The following DHRS2 variants were observed in gnomAD, a reference collection of about 807,000 sequenced individuals.
The protein encoded by DHRS2 is dehydrogenase/reductase 2, also known as dehydrogenase/reductase SDR family member 2, mitochondrial.
Under a neutral mutation model 26.3 loss-of-function variants are expected in DHRS2, and 29 were observed. The ratio of observed to expected loss-of-function variants is 1.10; its 90% CI spans 0.82 to 1.50. DHRS2 has a LOEUF of 1.50. Ranked by LOEUF, DHRS2 falls within the 40% of genes most tolerant of loss-of-function variation. DHRS2 has a pLI of 0.00. For missense variants in DHRS2, 439 were observed against 367.1 expected (o/e 1.20, Z -1.60); for synonymous variants, 164 against 151.3 (o/e 1.08, Z -0.62).
At chr14:23,632,040 C>A (rs1483458504), upstream of DHRS2, among the ~76,000 whole-genome samples, 1 of 152,208 alleles carries the variant, frequency 6.6e-6, no homozygotes, top group Non-Finnish European at 1.5e-5. Flanking sequence ...TTGGTAAGAA[C>A]TGTTAGAGGC....
Position 23,641,789 on chromosome 14 carries a change from C to T in DHRS2, c.421-1363C>T. On this transcript the variant is annotated intron_variant, in intron 4 of 8. Transcript: ENST00000250383. ...GCAACATTCAGCTTAAGTATTTCTC[C>T]TTCCCACATCCAAGGGATTGAGTGG... is the stretch of plus-strand genomic sequence containing the variant. 2.3e-6 allele frequency: 3 copies of T among 1,285,934 alleles called. No individual in the cohort carries two copies. In the Middle Eastern group the frequency reaches 7.3e-4, roughly 315 times the overall value. 79.7% of individuals were successfully genotyped at this position (1,285,934 alleles called of 1,614,324 possible). A position where few individuals can be genotyped will look rare whatever the true frequency, so the allele number is the denominator to read the frequency against.
At chr14:23,642,220 T>C (rs1890698627) in intron 4 of DHRS2, 4 of 959,594 alleles carry the variant, frequency 4.2e-6, no homozygotes, top group Non-Finnish European at 5.0e-6. Context: ...CTGGTGTGTG[T>C]AGGCCCTTAC....
chr14:23,630,964 G>C (rs1890102613), intron 1 of DHRS2, among the ~76,000 whole-genome samples: 1 of 152,144 alleles, frequency 6.6e-6, no homozygotes, highest in Non-Finnish European at 1.5e-5. Context: ...GAAGCCTCCA[G>C]GTAGTAGGCA....
In DHRS2 at chr14:23,644,504, C is replaced by T; in HGVS notation, c.636C>T (p.Cys212=). 12 of 1,614,214 alleles carry T rather than the reference C, an allele frequency of 7.4e-6. No homozygotes were observed. The highest frequency in any genetic ancestry group is 2.2e-5 in the East Asian group (1 of 44,888). Residue 212 remains cysteine, a synonymous_variant, in exon 7 of 9, where the codon TGC becomes TGT. Transcript: ENST00000250383. The stretch of plus-strand genomic sequence containing the variant: ...CCCCCAAGGACATCCGGGTAAACTG[C>T]GTGGTTCCAGGAATTATCAAAACTG... The part of the protein sequence containing the change: ...ELAPKDIRVN[C]VVPGIIKTDF...
chr14:23,639,527 G>A (rs963084013), intron 3 of DHRS2, among the ~76,000 whole-genome samples, 171 bp downstream of exon 3: 34 of 152,184 alleles, frequency 2.2e-4, no homozygotes, highest in South Asian at 8.3e-4. Flanking sequence ...TGACCTGTTC[G>A]TGAGAGGACC....
intron 6 of DHRS2, 35 bp from the exon 7 acceptor site, chr14:23,644,374 C>T (rs2138394626): frequency 6.2e-7 from 1 of 1,613,416 alleles, no homozygotes; most frequent in South Asian, 1.1e-5. Context: ...CCCCACTCTC[C>T]CATATCCTAA....
At chr14:23,635,011 T>G (rs1333031394), upstream of DHRS2, among the ~76,000 whole-genome samples, 2 of 152,202 alleles carry the variant, frequency 1.3e-5, no homozygotes, top group African/African-American at 2.4e-5. Context: ...GTACAGCCTG[T>G]GGAATTGTGA....
Position 23,645,425 on chromosome 14 carries a change from G to C in DHRS2, c.*172G>C. On this transcript the variant is annotated 3_prime_UTR_variant, in exon 9 of 9. Transcript: ENST00000250383. ...GAAAAACGCTTCGGCATTCTCCTTA[G>C]GACTTATCTGCTTGTAGATTTGGCT... The C allele has an allele frequency of 7.4e-7, 1 of 1,346,380 alleles. No homozygotes were observed. Among genetic ancestry groups the C allele is most frequent in the East Asian group, 2.3e-5 (1 of 42,676 alleles). 83.4% of individuals were successfully genotyped at this position (1,346,380 alleles called of 1,614,324 possible). A position where few individuals can be genotyped will look rare whatever the true frequency, so the allele number is the denominator to read the frequency against.
At chr14:23,643,332 T>C in intron 5 of DHRS2, 113 bp downstream of exon 5, 1 of 913,498 alleles carries the variant, frequency 1.1e-6, no homozygotes, top group Non-Finnish European at 1.7e-6. Flanking sequence ...GTCTGGGATC[T>C]CCACATCCCT....
chr14:23,638,920 T>C lies in DHRS2; in HGVS notation c.56T>C (p.Leu19Pro), dbSNP rs761199813. ...GGCTGGTTTCATCCCTGTGCTAGGC[T>C]TTCTGTGAGGATGAGCAGCACCGGG... ...YQGWFHPCAR[L>P]SVRMSSTGID... Residue 19 changes from leucine to proline, a missense_variant, in exon 2 of 9, where the codon CTT becomes CCT. By Grantham distance (98) the Leu-to-Pro change is moderately conservative. Transcript: ENST00000250383. 2 of 1,614,212 alleles carry C rather than the reference T, an allele frequency of 1.2e-6. No individual in the cohort carries two copies. Among genetic ancestry groups the C allele is most frequent in the Middle Eastern group, 1.7e-4 (1 of 6,060 alleles).
Position 23,643,230 on chromosome 14 carries a change from G to GCGGGGGTGGGGACCAGT in DHRS2, c.488+15_488+31dup, listed in dbSNP as rs1283707187. ...CTACATGGAGAACAGGTATGGCAGG[G>GCGGGGGTGGGGACCAGT]CGGGGGTGGGGACCAGTCGGAGTTG... is the stretch of plus-strand genomic sequence containing the variant. On this transcript the variant is annotated intron_variant, in intron 5 of 8. Coordinates refer to ENST00000250383, the MANE Select transcript of DHRS2 (RefSeq NM_005794.4). 2.5e-6 allele frequency: 4 copies of GCGGGGGTGGGGACCAGT among 1,613,550 alleles called. No individual in the cohort carries two copies. The African/African-American group carries it at 5.3e-5, about 22-fold the overall frequency.
chr14:23,639,468 C>G (rs947214396), intron 3 of DHRS2, 112 bp downstream of exon 3: 1 of 1,383,030 alleles, frequency 7.2e-7, no homozygotes, highest in African/African-American at 1.5e-5. Flanking sequence ...CATGACTGCA[C>G]CCAGGCTGCC....
intron 4 of DHRS2, 189 bp downstream of exon 4, chr14:23,640,084 T>C (rs979838274): frequency 2.9e-6 from 2 of 696,152 alleles, no homozygotes; most frequent in Non-Finnish European, 4.0e-6. Flanking sequence ...GGCTTGTTGG[T>C]TCTTAAATCT....
intron 4 of DHRS2, 30 bp downstream of exon 4, chr14:23,639,925 A>G: frequency 1.3e-6 from 2 of 1,532,918 alleles, no homozygotes; most frequent in Non-Finnish European, 1.8e-6. Flanking sequence ...GAGGCGGCTG[A>G]GGGCCCGATT....
chr14:23,640,093 C>A, intron 4 of DHRS2, 198 bp downstream of exon 4: 3 of 691,880 alleles, frequency 4.3e-6, no homozygotes, highest in Non-Finnish European at 6.1e-6. Context: ...GTTCTTAAAT[C>A]TGGCCCCCAC....
At chr14:23,630,238 A>G (rs1408101590) in intron 1 of DHRS2, 1 of 152,296 alleles carries the variant, frequency 6.6e-6, no homozygotes, top group African/African-American at 2.4e-5. Context: ...ACAGCCAGGT[A>G]AGCCTGGGCC....
Position 23,636,374 on chromosome 14 carries a change from T to C in DHRS2, c.-437T>C. The C allele has an allele frequency of 6.6e-6, 1 of 152,072 alleles. No individual in the cohort carries two copies. The allele number at this position is 152,072 out of a possible 1,614,324, so 9.4% of individuals were successfully genotyped here. A position where few individuals can be genotyped will look rare whatever the true frequency, so the allele number is the denominator to read the frequency against. On this transcript the variant is annotated 5_prime_UTR_variant, in exon 1 of 9. Transcript: ENST00000250383. ...GCCTGAGCCGGCAGCAGCAACCTGCTCTGGTTCCCTTCCACGCTGTGGAAG... is the reference window on the plus strand; with the variant it reads ...GCCTGAGCCGGCAGCAGCAACCTGCCCTGGTTCCCTTCCACGCTGTGGAAG...
chr14:23,644,443 T>C lies in DHRS2; in HGVS notation c.575T>C (p.Leu192Pro), dbSNP rs1161593818. 1.2e-6 allele frequency: 2 copies of C among 1,614,076 alleles called. No homozygotes were observed. The highest frequency in any genetic ancestry group is 2.7e-5 in the African/African-American group (2 of 74,926). Reference sequence around the variant, plus strand: ...GTCTACAATGTCAGCAAGACAGCGCTGCTGGGTCTCACTAGAACACTGGCA... The same window carrying C: ...GTCTACAATGTCAGCAAGACAGCGCCGCTGGGTCTCACTAGAACACTGGCA... Reference protein sequence around the residue: ...LGVYNVSKTALLGLTRTLALE... With the variant: ...LGVYNVSKTAPLGLTRTLALE... Residue 192 changes from leucine (L) to proline (P), a missense_variant, in exon 7 of 9, where the codon CTG becomes CCG. By Grantham distance (98) the Leu-to-Pro change is moderately conservative. Transcript: ENST00000250383.
At chr14:23,641,773 A>AAG in intron 4 of DHRS2, 1 of 1,288,236 alleles carries the variant, frequency 7.8e-7, no homozygotes, top group Non-Finnish European at 1.0e-6. Context: ...AGCAACATTC[A>AAG]GCTTAAGTAT....
Sources: allele counts gnomAD v4.1 joint callset (sites outside exome capture counted in the v4.1 genomes callset), GRCh38; gene constraint gnomAD v4.1.1; transcripts MANE v1.5; gene names NCBI Gene and HGNC (gene_info 2026-07-23, HGNC 2026-07-21).